The following DPF2 variants were observed in gnomAD, a reference collection of about 807,000 sequenced individuals.
DPF2 encodes the protein double PHD fingers 2.
In DPF2, 10 loss-of-function variants were observed where a neutral mutation model predicts 59.6. That is an observed-to-expected ratio of 0.17 (90% CI 0.10 to 0.28). The LOEUF is 0.28. Among genes scored for constraint, DPF2 ranks in the 10% least tolerant of loss-of-function variants. The pLI is 1.00. For missense variants in DPF2, 315 were observed against 509.4 expected, an observed-to-expected ratio of 0.62 and a Z score of 3.67; for synonymous variants, 189 against 190.6, an observed-to-expected ratio of 0.99 and a Z score of 0.07.
Position 65,340,958 on chromosome 11 carries a change from T to G in DPF2, c.194-8T>G, listed in dbSNP as rs766136251. On this transcript the variant is annotated splice_region_variant and splice_polypyrimidine_tract_variant and intron_variant, in intron 2 of 10. Transcript: ENST00000528416. ...AGGGCCTGACTTCTATCTTTCTTCC[T>G]GCCACAGGATTGGCCTCCGGACAGC... 1 of 1,613,700 alleles carries G rather than the reference T, an allele frequency of 6.2e-7. No homozygotes were observed. Among genetic ancestry groups the G allele is most frequent in the African/African-American group, 1.3e-5 (1 of 74,908 alleles).
chr11:65,350,150 T>G (rs754611988), intron 10 of DPF2, among the ~76,000 whole-genome samples: 1 of 152,136 alleles, frequency 6.6e-6, no homozygotes, highest in African/African-American at 2.4e-5. Context: ...GCTTTCCTAT[T>G]AAAGTTCTGT....
intron 1 of DPF2, among the ~76,000 whole-genome samples, chr11:65,337,474 A>AAAATAT (rs1555029114): frequency 4.3e-5 from 2 of 46,482 alleles, no homozygotes; most frequent in African/African-American, 9.8e-5. Flanking sequence ...AAAAAAAAAA[A>AAAATAT]ATATATATAT....
intron 9 of DPF2, 200 bp from the exon 10 acceptor site, chr11:65,348,650 A>T: frequency 2.1e-6 from 1 of 481,144 alleles, no homozygotes; most frequent in Non-Finnish European, 3.7e-6. Context: ...GATTTGATCA[A>T]TTAGGAGCTC....
At position 65,341,392 on chromosome 11, in the gene DPF2, C is replaced by T. The variant is rs202153116; in HGVS notation, c.302-7C>T. The stretch of plus-strand genomic sequence containing the variant: ...TGAGCCTTGCTTTATCCTGACCTTG[C>T]TTGCAGACACAGACCAGACCCTGAA... On this transcript the variant is annotated splice_polypyrimidine_tract_variant and splice_region_variant and intron_variant, in intron 3 of 10. Transcript: ENST00000528416. The T allele has an allele frequency of 9.1e-5, 147 of 1,614,032 alleles. No homozygotes were observed. Among genetic ancestry groups the T allele is most frequent in the Non-Finnish European group, 1.2e-4 (143 of 1,180,026 alleles).
At chr11:65,345,112 G>A in intron 6 of DPF2, 1 of 172,126 alleles carries the variant, frequency 5.8e-6, no homozygotes, top group Non-Finnish European at 1.2e-5. Context: ...GAGTGTGCTT[G>A]AATTTCTTTG....
chr11:65,351,568 C>T, intron 10 of DPF2, 115 bp from the exon 11 acceptor site: 2 of 852,832 alleles, frequency 2.3e-6, no homozygotes, highest in Non-Finnish European at 3.9e-6. Context: ...GCAGAGCATC[C>T]CTCGTCCTAC....
intron 1 of DPF2, among the ~76,000 whole-genome samples, chr11:65,336,100 A>C (rs1317263824): frequency 6.6e-6 from 1 of 151,970 alleles, no homozygotes. Context: ...GGCGTGAGCC[A>C]CCACGCCCGG....
At chr11:65,335,480 C>G (rs1480984080) in intron 1 of DPF2, among the ~76,000 whole-genome samples, 1 of 152,170 alleles carries the variant, frequency 6.6e-6, no homozygotes, top group African/African-American at 2.4e-5. Flanking sequence ...CCAGTGCTTT[C>G]AAGTTGTGTC....
At chr11:65,337,285 A>G (rs1385304079) in intron 1 of DPF2, among the ~76,000 whole-genome samples, 2 of 151,076 alleles carry the variant, frequency 1.3e-5, no homozygotes, top group Non-Finnish European at 2.9e-5. Context: ...CCCTGTCTCT[A>G]CTAAGAATAC....
chr11:65,344,690 C>T (rs1384601573), intron 6 of DPF2: 1 of 1,479,010 alleles, frequency 6.8e-7, no homozygotes, highest in Non-Finnish European at 9.1e-7. Flanking sequence ...GTTCCTCCTG[C>T]CTTTCTCATT....
In DPF2 at chr11:65,353,352, C is replaced by G. The variant is rs1176496575; in HGVS notation, c.*1593C>G. The G allele has an allele frequency of 6.6e-6, 1 of 152,180 alleles. No homozygotes were observed. Among genetic ancestry groups the G allele is most frequent in the Non-Finnish European group, 1.5e-5 (1 of 68,040 alleles). 9.4% of individuals were successfully genotyped at this position (152,180 alleles called of 1,614,324 possible). On this transcript the variant is annotated 3_prime_UTR_variant, in exon 11 of 11. Coordinates refer to ENST00000528416, the MANE Select transcript of DPF2 (RefSeq NM_006268.5). ...GGTTTATAACAGTTGACCTTGCAAT[C>G]TCAGACATTTAAAACAGGACCAGAA...
chr11:65,348,582 A>C, intron 9 of DPF2: 1 of 402,930 alleles, frequency 2.5e-6, no homozygotes, highest in Non-Finnish European at 4.5e-6. Context: ...CTGTCTCAAA[A>C]AAATATACCA....
chr11:65,334,473 G>T (rs1046653153), intron 1 of DPF2, among the ~76,000 whole-genome samples: 11 of 152,254 alleles, frequency 7.2e-5, no homozygotes, highest in African/African-American at 2.7e-4. Flanking sequence ...ATTTATCGAG[G>T]AGCGGATCCA....
chr11:65,351,305 G>A (rs2137716242), intron 10 of DPF2, among the ~76,000 whole-genome samples: 1 of 152,268 alleles, frequency 6.6e-6, no homozygotes, highest in South Asian at 2.1e-4. Context: ...TTTCATATAA[G>A]GGACAATTAT....
Position 65,353,055 on chromosome 11 carries a change from T to C in DPF2, c.*1296T>C, listed in dbSNP as rs533736262. On this transcript the variant is annotated 3_prime_UTR_variant, in exon 11 of 11. Transcript: ENST00000528416. ...TTTCATCCTAAGATTTCCATGATGGTGGTTTTTTTTTTTAATGTTTTGAAA... is the reference window on the plus strand; with the variant it reads ...TTTCATCCTAAGATTTCCATGATGGCGGTTTTTTTTTTTAATGTTTTGAAA... 2.6e-5 allele frequency: 4 copies of C among 151,838 alleles called. No individual in the cohort carries two copies. Among genetic ancestry groups the C allele is most frequent in the Non-Finnish European group, 5.9e-5 (4 of 67,972 alleles). 9.4% of individuals were successfully genotyped at this position (151,838 alleles called of 1,614,324 possible). A position where few individuals can be genotyped will look rare whatever the true frequency, so the allele number is the denominator to read the frequency against.
chr11:65,349,122 CT>C (rs1854621512), intron 10 of DPF2, among the ~76,000 whole-genome samples, 191 bp downstream of exon 10: 2 of 152,174 alleles, frequency 1.3e-5, no homozygotes, highest in Admixed American at 1.3e-4. Flanking sequence ...ACATTATCAG[CT>C]ACATTTACAA....
rs1331869479 is a variant in DPF2, at chr11:65,353,797, G to C, written c.*2038G>C. On this transcript the variant is annotated 3_prime_UTR_variant, in exon 11 of 11. Transcript: ENST00000528416. ...ACTGTTATGTTCAATAAATAAGCAGGGTGCTCTGGGCTGGGGATTGTGTGA... is the reference window on the plus strand; with the variant it reads ...ACTGTTATGTTCAATAAATAAGCAGCGTGCTCTGGGCTGGGGATTGTGTGA... Among the ~76,000 whole-genome samples, 1 of 152,174 alleles carries C rather than the reference G, an allele frequency of 6.6e-6. No individual in the cohort carries two copies. The highest frequency in any genetic ancestry group is 6.5e-5 in the Admixed American group (1 of 15,274).
chr11:65,353,985 G>A lies in DPF2; in HGVS notation c.*2226G>A, dbSNP rs1450751349. 6.6e-6 allele frequency among the ~76,000 whole-genome samples: 1 copy of A among 152,212 alleles called. No individual in the cohort carries two copies. Among genetic ancestry groups the A allele is most frequent in the East Asian group, 1.9e-4 (1 of 5,196 alleles). On this transcript the variant is annotated 3_prime_UTR_variant, in exon 11 of 11. Transcript: ENST00000528416. ...AGGCCTAGGTGAGGAAATTTAGGAA[G>A]GGTTTGCGGGAGGTAGGATTTGAGA...
chr11:65,340,251 G>GT, intron 1 of DPF2, 134 bp from the exon 2 acceptor site: 1 of 991,262 alleles, frequency 1.0e-6, no homozygotes, highest in Non-Finnish European at 1.5e-6. Flanking sequence ...CAGAAGTGGA[G>GT]GCAAATAGAA....
Sources: allele counts gnomAD v4.1 joint callset (sites outside exome capture counted in the v4.1 genomes callset), GRCh38; gene constraint gnomAD v4.1.1; transcripts MANE v1.5; gene names NCBI Gene and HGNC (gene_info 2026-07-23, HGNC 2026-07-21).